NEK11: variants seen among roughly 807,000 people sequenced by gnomAD.
NEK11 encodes the protein NIMA related kinase 11.
Under a neutral mutation model 80.7 loss-of-function variants are expected in NEK11, and 72 were observed. The observed-to-expected ratio is 0.89, with a 90% CI of 0.74 to 1.08. NEK11 has a LOEUF of 1.08. Among genes scored for constraint, NEK11 ranks in the 50% least tolerant of loss-of-function variants. NEK11 has a pLI of 0.00. For missense variants in NEK11, 764 were observed against 763.6 expected, an observed-to-expected ratio of 1.00 and a Z score of -0.01; for synonymous variants, 251 against 260.7, an observed-to-expected ratio of 0.96 and a Z score of 0.36.
chr3:131,065,769 G>C (rs1292752822), intron 3 of NEK11, among the ~76,000 whole-genome samples: 1 of 152,138 alleles, frequency 6.6e-6, no homozygotes, highest in East Asian at 1.9e-4. Flanking sequence ...TCCAGCTCGT[G>C]TTTCAGCTTC....
At chr3:131,208,523 G>C (rs1019965834) in intron 14 of NEK11, among the ~76,000 whole-genome samples, 4 of 152,102 alleles carry the variant, frequency 2.6e-5, no homozygotes, top group African/African-American at 9.7e-5. Context: ...AGCTTGATGG[G>C]GATGGCATTG....
chr3:131,081,488 G>A (rs2075271236), intron 4 of NEK11, among the ~76,000 whole-genome samples: 1 of 152,170 alleles, frequency 6.6e-6, no homozygotes, highest in African/African-American at 2.4e-5. Flanking sequence ...GTGGGAGAGG[G>A]GAAAGTGGAC....
intron 10 of NEK11, among the ~76,000 whole-genome samples, chr3:131,160,659 A>C (rs2091416785): frequency 6.6e-6 from 1 of 152,200 alleles, no homozygotes; most frequent in Admixed American, 6.5e-5. Flanking sequence ...AGCAAGGCCC[A>C]ACTATATGCT....
intron 17 of NEK11, among the ~76,000 whole-genome samples, chr3:131,319,580 TTGG>T (rs1397265148): frequency 5.9e-5 from 9 of 152,166 alleles, no homozygotes; most frequent in African/African-American, 2.2e-4. Flanking sequence ...TGGTGGTAAC[TTGG>T]TGGTGGGTCT....
At chr3:131,247,058 C>G (rs968264911) in intron 16 of NEK11, among the ~76,000 whole-genome samples, 2 of 151,932 alleles carry the variant, frequency 1.3e-5, no homozygotes, top group African/African-American at 4.8e-5. Context: ...TTTTCTTCCA[C>G]TCTGTGGGTT....
intron 12 of NEK11, among the ~76,000 whole-genome samples, chr3:131,166,580 A>C (rs2150006378): frequency 6.6e-6 from 1 of 152,306 alleles, no homozygotes; most frequent in South Asian, 2.1e-4. Flanking sequence ...TGTTTGATGG[A>C]CCAGTTAGCA....
Position 131,155,063 on chromosome 3 carries a change from A to T in NEK11, c.904A>T (p.Thr302Ser), listed in dbSNP as rs1029814163. The T allele has an allele frequency of 5.0e-6, 8 of 1,610,530 alleles. No individual in the cohort carries two copies. The African/African-American group carries it at 8.0e-5, about 16-fold the overall frequency. The change falls in exon 10 of 18, where the codon ACT becomes TCT. Residue 302 changes from threonine to serine, a missense_variant. Physicochemically the swap from Thr to Ser is moderately conservative, Grantham distance 58 (BLOSUM62 1). Coordinates refer to ENST00000383366, the MANE Select transcript of NEK11 (RefSeq NM_024800.5). ...QNLMCRYSEM[T>S]LEDKNLDCQK... is the part of the protein sequence containing the mutation. ...CCTAATGTGTAGATATTCAGAAATGACTCTGGAAGACAAAAATTTGGATTG... is the reference window on the plus strand; with the variant it reads ...CCTAATGTGTAGATATTCAGAAATGTCTCTGGAAGACAAAAATTTGGATTG...
At chr3:131,313,355 TC>T in intron 17 of NEK11, among the ~76,000 whole-genome samples, 1 of 152,284 alleles carries the variant, frequency 6.6e-6, no homozygotes, top group South Asian at 2.1e-4. Context: ...TATCACTGGG[TC>T]GAATGGTAGT....
chr3:131,155,009 A>G (rs543557000), intron 9 of NEK11, 27 bp from the exon 10 acceptor site: 4 of 1,354,286 alleles, frequency 3.0e-6, no homozygotes, highest in East Asian at 2.3e-5. Flanking sequence ...AGCCTTTAAG[A>G]TATGTCAGGG....
In NEK11 at chr3:131,029,721, C is replaced by A. The variant is rs766328860; in HGVS notation, c.13C>A (p.Gln5Lys). 14 of 1,613,766 alleles carry A rather than the reference C, an allele frequency of 8.7e-6. No homozygotes were observed. Among genetic ancestry groups the A allele is most frequent in the Non-Finnish European group, 1.1e-5 (13 of 1,179,856 alleles). MLKF[Q>K]EAAKCVSGST... ...CTTGTTTGGAGCAATGCTGAAATTC[C>A]AAGAGGCAGCTAAGTGTGTGAGTGG... The change falls in exon 3 of 18, where the codon CAA (glutamine) becomes AAA (lysine). Residue 5 changes from glutamine to lysine, a missense_variant. Gln to Lys is a moderately conservative substitution (Grantham distance 53). Transcript: ENST00000383366.
intron 11 of NEK11, 138 bp from the exon 12 acceptor site, chr3:131,165,288 G>A: frequency 1.6e-6 from 1 of 606,314 alleles, no homozygotes; most frequent in Non-Finnish European, 3.0e-6. Flanking sequence ...CATTCACCTT[G>A]ATGAGGAAGA....
chr3:131,191,715 A>C (rs901657445), intron 14 of NEK11, among the ~76,000 whole-genome samples: 4 of 152,188 alleles, frequency 2.6e-5, no homozygotes, highest in Non-Finnish European at 5.9e-5. Flanking sequence ...ACAATGTTTA[A>C]AAAGAGAGTT....
In NEK11 at chr3:131,237,532, C is replaced by T. The variant is rs144908217; in HGVS notation, c.1561-5904C>T. Reference sequence around the variant, plus strand: ...TTGACATCTCCTAAATGTGTGCCTTCTATTCTTCAGTTCTATTTTCGCAGA... The same window carrying T: ...TTGACATCTCCTAAATGTGTGCCTTTTATTCTTCAGTTCTATTTTCGCAGA... On this transcript the variant is annotated intron_variant, in intron 15 of 17. Coordinates refer to ENST00000383366, the MANE Select transcript of NEK11 (RefSeq NM_024800.5). 9.9e-5 allele frequency among the ~76,000 whole-genome samples: 15 copies of T among 152,258 alleles called. No individual in the cohort carries two copies. The East Asian group carries it at 2.7e-3, about 27-fold the overall frequency.
intron 14 of NEK11, among the ~76,000 whole-genome samples, chr3:131,186,712 T>C (rs2093616298): frequency 1.3e-5 from 2 of 152,216 alleles, no homozygotes; most frequent in Admixed American, 1.3e-4. Context: ...CCAGAATATG[T>C]ATCCATTTTT....
rs1318734956 is a variant in NEK11 at position 131,168,904 on chromosome 3, C to T, written c.1251C>T (p.Asp417=). 7.4e-6 allele frequency: 12 copies of T among 1,613,576 alleles called. No individual in the cohort carries two copies. The highest frequency in any genetic ancestry group is 4.5e-5 in the East Asian group (2 of 44,864). ...GAAGACTTTCTTGTTCACCCCAGGA[C>T]GAGGATGAAGAGAGGTGGCAAGGCA... ...PEGRLSCSPQ[D]EDEERWQGRE... is the part of the protein sequence containing the mutation. Residue 417 remains aspartate, a synonymous_variant, in exon 13 of 18, where the codon GAC becomes GAT. Coordinates refer to ENST00000383366, the MANE Select transcript of NEK11 (RefSeq NM_024800.5).
intron 16 of NEK11, among the ~76,000 whole-genome samples, chr3:131,246,071 GA>G (rs1310689695): frequency 6.6e-6 from 1 of 152,098 alleles, no homozygotes; most frequent in Non-Finnish European, 1.5e-5. Flanking sequence ...CCAATGTCCA[GA>G]AGAGTTTTCC....
At chr3:131,069,139 A>G (rs28419455) in intron 3 of NEK11, among the ~76,000 whole-genome samples, 2 of 151,986 alleles carry the variant, frequency 1.3e-5, no homozygotes, top group African/African-American at 4.8e-5. Context: ...AGATTTTTTT[A>G]TTTTTTATTT....
intron 3 of NEK11, among the ~76,000 whole-genome samples, chr3:131,050,889 G>A (rs1396601946): frequency 6.6e-6 from 1 of 152,134 alleles, no homozygotes; most frequent in Non-Finnish European, 1.5e-5. Flanking sequence ...TAGTGGGCAT[G>A]GTGGCGCATG....
chr3:131,115,834 A>G (rs531273954), intron 5 of NEK11, among the ~76,000 whole-genome samples: 1 of 152,230 alleles, frequency 6.6e-6, no homozygotes, highest in South Asian at 2.1e-4. Flanking sequence ...CTCACTGCCC[A>G]TGGATTTCCC....
Sources: gnomAD v4.1 joint callset for allele counts (sites outside exome capture counted in the v4.1 genomes callset) on GRCh38, gnomAD v4.1.1 for gene constraint, MANE v1.5 for transcripts, NCBI Gene and HGNC (gene_info 2026-07-23, HGNC 2026-07-21) for gene names.